CSN1S1: variants seen among roughly 807,000 people sequenced by gnomAD.
CSN1S1 encodes alpha-S1-casein.
In CSN1S1, 63 loss-of-function variants were observed where a neutral mutation model predicts 49.1. That is an observed-to-expected ratio of 1.28 (90% CI 1.05 to 1.58). The LOEUF (loss-of-function observed/expected upper bound fraction) is 1.58. CSN1S1 is among the 40% of genes most tolerant of loss of function. The pLI is 0.00. For missense variants in CSN1S1, 260 were observed against 224.7 expected, an observed-to-expected ratio of 1.16 and a Z score of -1.01; for synonymous variants, 78 against 67.1, an observed-to-expected ratio of 1.16 and a Z score of -0.79.
chr4:69,935,115 C>T (rs1020903562), intron 4 of CSN1S1, among the ~76,000 whole-genome samples: 18 of 151,956 alleles, frequency 1.2e-4, no homozygotes, highest in African/African-American at 4.4e-4. Flanking sequence ...TTATAATTCA[C>T]AATTTAATTT....
At chr4:69,939,028 T>C (rs1722893017) in intron 9 of CSN1S1, 148 bp from the exon 10 acceptor site, 2 of 451,502 alleles carry the variant, frequency 4.4e-6, no homozygotes, top group Non-Finnish European at 8.1e-6. Flanking sequence ...TCCAAGAAAA[T>C]ACAATGTAGT....
At chr4:69,932,436 C>G (rs1483424716) in intron 1 of CSN1S1, 108 bp from the exon 2 acceptor site, 3 of 867,652 alleles carry the variant, frequency 3.5e-6, no homozygotes, top group Non-Finnish European at 5.5e-6. Context: ...CTCAAATCAG[C>G]CTACTTTTAT....
At chr4:69,942,191 T>G (rs1722991325) in intron 13 of CSN1S1, 128 bp downstream of exon 13, 2 of 606,010 alleles carry the variant, frequency 3.3e-6, no homozygotes, top group African/African-American at 3.7e-5. Context: ...TCTGATAATA[T>G]TTTACTTAAA....
Position 69,940,024 on chromosome 4 carries a change from A to G in CSN1S1, c.280A>G (p.Met94Val). The change falls in exon 11 of 16, where the codon ATG (methionine) becomes GTG (valine). Residue 94 changes from methionine (M) to valine (V), a missense_variant. Transcript: ENST00000246891. Reference protein sequence around the residue: ...ESSISSSSEEMSLSKCAEQFC... With the variant: ...ESSISSSSEEVSLSKCAEQFC... ...GCATGTTTTAATTTTTTTAAAGGAAATGTCTCTCAGTAAGTGTGCGGTAAG... is the reference window on the plus strand; with the variant it reads ...GCATGTTTTAATTTTTTTAAAGGAAGTGTCTCTCAGTAAGTGTGCGGTAAG... 7.2e-7 allele frequency: 1 copy of G among 1,397,828 alleles called. No homozygotes were observed. The highest frequency in any genetic ancestry group is 2.6e-5 in the East Asian group (1 of 38,058). 86.6% of individuals were successfully genotyped at this position (1,397,828 alleles called of 1,614,324 possible).
At position 69,941,065 on chromosome 4, in the gene CSN1S1, T is replaced by C; in HGVS notation, c.342+5T>C. 1 of 1,454,030 alleles carries C rather than the reference T, an allele frequency of 6.9e-7. No individual in the cohort carries two copies. Among genetic ancestry groups the C allele is most frequent in the South Asian group, 1.3e-5 (1 of 78,664 alleles). 90.1% of individuals were successfully genotyped at this position (1,454,030 alleles called of 1,614,324 possible). A position where few individuals can be genotyped will look rare whatever the true frequency, so the allele number is the denominator to read the frequency against. ...GAATACAACCAACTTCAGCTGGTAA[T>C]ATTTTATTCATTATAATACAAAATC... On this transcript the variant is annotated splice_donor_5th_base_variant and intron_variant, in intron 12 of 15. Transcript: ENST00000246891.
In CSN1S1 at chr4:69,932,601, A is replaced by G; in HGVS notation, c.46A>G (p.Arg16Gly). 1 of 1,597,308 alleles carries G rather than the reference A, an allele frequency of 6.3e-7. No homozygotes were observed. Among genetic ancestry groups the G allele is most frequent in the Non-Finnish European group, 8.5e-7 (1 of 1,170,230 alleles). The change falls in exon 2 of 16, where the codon AGG becomes GGG. Residue 16 changes from arginine (R) to glycine (G), a missense_variant. Transcript: ENST00000246891. ...CTGTCTTGTGGCTGTTGCTCTTGCC[A>G]GGCCTGTAAGTTCAGTAGAGAATTT... The part of the protein sequence containing the change: ...LTCLVAVALA[R>G]PKLPLRYPER...
At chr4:69,945,410 G>T (rs1578139193) in intron 15 of CSN1S1, among the ~76,000 whole-genome samples, 1 of 151,840 alleles carries the variant, frequency 6.6e-6, no homozygotes, top group East Asian at 1.9e-4. Flanking sequence ...CACATATTTT[G>T]GTGTTCAGTA....
rs1249233865 is a variant in CSN1S1 at position 69,940,009 on chromosome 4, AT to A, written c.277-5del. 19 of 1,378,366 alleles carry A rather than the reference AT, an allele frequency of 1.4e-5. No homozygotes were observed. Among genetic ancestry groups the A allele is most frequent in the Admixed American group, 5.0e-5 (2 of 40,256 alleles). 85.4% of individuals were successfully genotyped at this position (1,378,366 alleles called of 1,614,324 possible). On this transcript the variant is annotated splice_polypyrimidine_tract_variant and intron_variant, in intron 10 of 15. Coordinates refer to ENST00000246891, the MANE Select transcript of CSN1S1 (RefSeq NM_001890.2). ...TGAAATTAAAACTATGCATGTTTTA[AT>A]TTTTTTAAAGGAAATGTCTCTCAGT...
chr4:69,939,024 AAAATACAATGTAGT>A (rs1722892931), intron 9 of CSN1S1, among the ~76,000 whole-genome samples, 138 bp from the exon 10 acceptor site: 1 of 151,818 alleles, frequency 6.6e-6, no homozygotes, highest in Admixed American at 6.6e-5. Flanking sequence ...ACACTCCAAG[AAAATACAATGTAGT>A]ACGCCTGAAT....
rs1056609387 is a variant in CSN1S1 at position 69,941,814 on chromosome 4, C to G, written c.343-232C>G. Among the ~76,000 whole-genome samples, 4 of 151,874 alleles carry G rather than the reference C, an allele frequency of 2.6e-5. 1 individual carries two copies. In the South Asian group the frequency reaches 8.3e-4, roughly 31 times the overall value. Reference sequence around the variant, plus strand: ...CCCAATAGAATTCATCATTATTGATCTAGAAAATTACCTGAATAATATATT... The same window carrying G: ...CCCAATAGAATTCATCATTATTGATGTAGAAAATTACCTGAATAATATATT... On this transcript the variant is annotated intron_variant, in intron 12 of 15. Transcript: ENST00000246891.
At chr4:69,939,888 G>T (rs775653939) in intron 10 of CSN1S1, 133 bp from the exon 11 acceptor site, 4 of 558,322 alleles carry the variant, frequency 7.2e-6, no homozygotes, top group African/African-American at 2.0e-5. Context: ...TCTTGTCTCA[G>T]TTTTTTGGGA....
At chr4:69,934,972 A>T (rs1185876850) in intron 4 of CSN1S1, among the ~76,000 whole-genome samples, 1 of 152,108 alleles carries the variant, frequency 6.6e-6, no homozygotes, top group African/African-American at 2.4e-5. Context: ...TGTTCTTTAG[A>T]TTGTAAAATT....
chr4:69,942,347 T>A (rs1315836593), intron 13 of CSN1S1, 189 bp from the exon 14 acceptor site: 1 of 622,288 alleles, frequency 1.6e-6, no homozygotes, highest in Non-Finnish European at 2.8e-6. Context: ...GAGCTTAGCC[T>A]TTAGCTAAAA....
intron 13 of CSN1S1, 25 bp downstream of exon 13, chr4:69,942,088 A>G: frequency 2.2e-6 from 3 of 1,364,950 alleles, no homozygotes; most frequent in Non-Finnish European, 3.0e-6. Context: ...TAAATCTAAA[A>G]TATTTTAGTA....
intron 9 of CSN1S1, 68 bp from the exon 10 acceptor site, chr4:69,939,108 A>T (rs1722895543): frequency 8.7e-7 from 1 of 1,150,066 alleles, no homozygotes; most frequent in African/African-American, 1.6e-5. Context: ...CCATGATGAC[A>T]TGGAACTAGT....
intron 4 of CSN1S1, among the ~76,000 whole-genome samples, chr4:69,935,493 T>C (rs1722746934): frequency 6.6e-6 from 1 of 151,800 alleles, no homozygotes; most frequent in Non-Finnish European, 1.5e-5. Context: ...AAAGCTGCAA[T>C]GAGTCGTGAT....
chr4:69,933,150 G>T (rs1011290702), intron 2 of CSN1S1, among the ~76,000 whole-genome samples: 6 of 150,838 alleles, frequency 4.0e-5, no homozygotes, highest in Non-Finnish European at 7.4e-5. Flanking sequence ...ATTTATTGTG[G>T]TCACTGTAGA....
At position 69,940,019 on chromosome 4, in the gene CSN1S1, A is replaced by G. The variant is rs764303401; in HGVS notation, c.277-2A>G. 3 of 1,394,096 alleles carry G rather than the reference A, an allele frequency of 2.2e-6. No homozygotes were observed. In the East Asian group the frequency reaches 7.9e-5, roughly 37 times the overall value. 86.4% of individuals were successfully genotyped at this position (1,394,096 alleles called of 1,614,324 possible). Reference sequence around the variant, plus strand: ...ACTATGCATGTTTTAATTTTTTTAAAGGAAATGTCTCTCAGTAAGTGTGCG... The same window carrying G: ...ACTATGCATGTTTTAATTTTTTTAAGGGAAATGTCTCTCAGTAAGTGTGCG... On this transcript the variant is annotated splice_acceptor_variant, in intron 10 of 15. Coordinates refer to ENST00000246891, the MANE Select transcript of CSN1S1 (RefSeq NM_001890.2). LOFTEE classifies it high-confidence loss of function.
rs1722924976 is a variant in CSN1S1 at position 69,940,060 on chromosome 4, T to C, written c.300+16T>C. On this transcript the variant is annotated intron_variant, in intron 11 of 15. Coordinates refer to ENST00000246891, the MANE Select transcript of CSN1S1 (RefSeq NM_001890.2). Reference sequence around the variant, plus strand: ...TAAGTGTGCGGTAAGACATATTTGCTAAATTTAAAATATATTAATATTTTC... The same window carrying C: ...TAAGTGTGCGGTAAGACATATTTGCCAAATTTAAAATATATTAATATTTTC... The C allele has an allele frequency of 2.3e-6, 3 of 1,314,648 alleles. No individual in the cohort carries two copies. The African/African-American group carries it at 4.6e-5, about 20-fold the overall frequency. The allele number at this position is 1,314,648 out of a possible 1,614,324, so 81.4% of individuals were successfully genotyped here. A position where few individuals can be genotyped will look rare whatever the true frequency, so the allele number is the denominator to read the frequency against.
Sources: allele counts gnomAD v4.1 joint callset (sites outside exome capture counted in the v4.1 genomes callset), GRCh38; gene constraint gnomAD v4.1.1; transcripts MANE v1.5; gene names NCBI Gene and HGNC (gene_info 2026-07-23, HGNC 2026-07-21).